ANXA3: variants seen among roughly 807,000 people sequenced by gnomAD.
ANXA3 encodes 35-alpha calcimedin.
A neutral mutation model predicts 48.8 loss-of-function variants in ANXA3; 46 were observed. The ratio of observed to expected loss-of-function variants is 0.94; its 90% CI spans 0.74 to 1.21. ANXA3 has a LOEUF of 1.21. Among genes scored for constraint, ANXA3 ranks in the 50% most tolerant of loss-of-function variants. The pLI is 0.00. For missense variants in ANXA3, 383 were observed against 378.6 expected, an observed-to-expected ratio of 1.01 and a Z score of -0.10; for synonymous variants, 128 against 134.7, an observed-to-expected ratio of 0.95 and a Z score of 0.35.
At chr4:78,570,677 T>C (rs1238868418) in intron 2 of ANXA3, among the ~76,000 whole-genome samples, 1 of 152,218 alleles carries the variant, frequency 6.6e-6, no homozygotes, top group African/African-American at 2.4e-5. Flanking sequence ...TTGATCAAAT[T>C]CTCTGGTCTT....
intron 12 of ANXA3, among the ~76,000 whole-genome samples, chr4:78,606,232 C>T (rs1578406267): frequency 6.6e-6 from 1 of 152,176 alleles, no homozygotes; most frequent in African/African-American, 2.4e-5. Flanking sequence ...GAGTATTGGA[C>T]CCAGGTGAAC....
chr4:78,582,997 G>T (rs1003217345), intron 5 of ANXA3, among the ~76,000 whole-genome samples: 3 of 151,962 alleles, frequency 2.0e-5, no homozygotes, highest in Non-Finnish European at 4.4e-5. Flanking sequence ...TATCAGTCAG[G>T]GTTCCCTCAG....
At chr4:78,581,192 G>A (rs1374682197) in intron 4 of ANXA3, among the ~76,000 whole-genome samples, 1 of 152,184 alleles carries the variant, frequency 6.6e-6, no homozygotes, top group Non-Finnish European at 1.5e-5. Flanking sequence ...GTGTGGTTGT[G>A]TCAATCTGTG....
intron 6 of ANXA3, 108 bp from the exon 7 acceptor site, chr4:78,591,431 TTTATC>T (rs1292001608): frequency 2.8e-6 from 2 of 702,100 alleles, no homozygotes; most frequent in Non-Finnish European, 5.0e-6. Context: ...AAGGGCAAGA[TTTATC>T]TTATCACATA....
intron 6 of ANXA3, among the ~76,000 whole-genome samples, 155 bp from the exon 7 acceptor site, chr4:78,591,389 T>TGAG (rs1723292279): frequency 6.6e-6 from 1 of 152,216 alleles, no homozygotes; most frequent in Admixed American, 6.5e-5. Flanking sequence ...ATGTACCATC[T>TGAG]CACAACAGAA....
intron 2 of ANXA3, 63 bp from the exon 3 acceptor site, chr4:78,573,117 G>T: frequency 8.5e-7 from 1 of 1,174,718 alleles, no homozygotes; most frequent in African/African-American, 1.5e-5. Context: ...GAAGGAATAT[G>T]CATATGTAAT....
chr4:78,589,730 T>C (rs978018202), intron 6 of ANXA3, among the ~76,000 whole-genome samples: 8 of 152,330 alleles, frequency 5.3e-5, no homozygotes, highest in African/African-American at 9.6e-5. Flanking sequence ...TCTGTGTCAC[T>C]CGCTCCCTAA....
At chr4:78,603,607 G>T (rs1013863113) in intron 11 of ANXA3, 1 of 152,158 alleles carries the variant, frequency 6.6e-6, no homozygotes, top group Non-Finnish European at 1.5e-5. Context: ...TCATGCTGCA[G>T]TCAAAGTGAT....
intron 7 of ANXA3, among the ~76,000 whole-genome samples, chr4:78,593,324 T>A (rs1298033356): frequency 6.6e-6 from 1 of 151,968 alleles, no homozygotes; most frequent in Non-Finnish European, 1.5e-5. Flanking sequence ...TGCCTCAGCC[T>A]CCCTAGCAGC....
At chr4:78,605,765 T>G (rs1335719640) in intron 12 of ANXA3, among the ~76,000 whole-genome samples, 2 of 152,188 alleles carry the variant, frequency 1.3e-5, no homozygotes, top group African/African-American at 2.4e-5. Flanking sequence ...ATATTATACA[T>G]AGAAACTTCA....
chr4:78,601,228 C>A (rs1367521041), intron 10 of ANXA3, among the ~76,000 whole-genome samples: 1 of 152,132 alleles, frequency 6.6e-6, no homozygotes, highest in Non-Finnish European at 1.5e-5. Flanking sequence ...TGTCTGGGAT[C>A]CAGAGATGAG....
intron 2 of ANXA3, among the ~76,000 whole-genome samples, chr4:78,559,364 T>C (rs899015728): frequency 5.3e-5 from 8 of 152,198 alleles, no homozygotes; most frequent in Non-Finnish European, 1.2e-4. Flanking sequence ...ATTACAGGTG[T>C]GAGCCACCAC....
At chr4:78,593,834 C>T (rs1005850765) in intron 7 of ANXA3, among the ~76,000 whole-genome samples, 13 of 127,338 alleles carry the variant, frequency 1.0e-4, no homozygotes, top group African/African-American at 1.5e-4. Flanking sequence ...TTTTTTAGAG[C>T]GAGAGAAGGT....
chr4:78,554,522 C>A (rs771926229), intron 2 of ANXA3, 34 bp downstream of exon 2: 1 of 1,604,744 alleles, frequency 6.2e-7, no homozygotes, highest in Non-Finnish European at 8.5e-7. Context: ...AACACAGTAA[C>A]ATATATGAGT....
intron 4 of ANXA3, among the ~76,000 whole-genome samples, chr4:78,580,850 A>G (rs1723056489): frequency 6.6e-6 from 1 of 152,278 alleles, no homozygotes; most frequent in African/African-American, 2.4e-5. Context: ...GCAGGTGCCC[A>G]GAAAACATTT....
chr4:78,597,775 C>A (rs919824836), intron 10 of ANXA3, among the ~76,000 whole-genome samples: 7 of 151,816 alleles, frequency 4.6e-5, no homozygotes, highest in Non-Finnish European at 8.8e-5. Flanking sequence ...CCACCTGGCC[C>A]AGCTAATTTT....
intron 5 of ANXA3, among the ~76,000 whole-genome samples, chr4:78,583,087 C>T (rs1025104383): frequency 6.6e-6 from 1 of 152,074 alleles, no homozygotes; most frequent in African/African-American, 2.4e-5. Flanking sequence ...GCCTGTAATC[C>T]CAATACTTTG....
rs1471461924 is a variant in ANXA3 at position 78,588,394 on chromosome 4, G to A, written c.403+2044G>A. 4.0e-5 allele frequency among the ~76,000 whole-genome samples: 6 copies of A among 151,570 alleles called. No homozygotes were observed. In the East Asian group the frequency reaches 9.7e-4, roughly 24 times the overall value. ...CGTGACAGAGTGAGACCTTGTCTTG[G>A]AAAAAAAAGAAGAATTGCTAAACAC... On this transcript the variant is annotated intron_variant, in intron 6 of 12. Coordinates refer to ENST00000264908, the MANE Select transcript of ANXA3 (RefSeq NM_005139.3).
chr4:78,558,365 T>C (rs1369066414), intron 2 of ANXA3, among the ~76,000 whole-genome samples: 1 of 152,260 alleles, frequency 6.6e-6, no homozygotes, highest in African/African-American at 2.4e-5. Context: ...ATGGTTAAGA[T>C]GGTAAAAACC....
Sources: gnomAD v4.1 joint callset for allele counts (sites outside exome capture counted in the v4.1 genomes callset) on GRCh38, gnomAD v4.1.1 for gene constraint, MANE v1.5 for transcripts, NCBI Gene and HGNC (gene_info 2026-07-23, HGNC 2026-07-21) for gene names.